CEP112: variants seen among roughly 807,000 people sequenced by gnomAD.
CEP112 encodes centrosomal protein 112.
In CEP112, 127 loss-of-function variants were observed where a neutral mutation model predicts 153.0. That is an observed-to-expected ratio of 0.83 (90% CI 0.72 to 0.96). The LOEUF (loss-of-function observed/expected upper bound fraction) is 0.96, where lower values mean the gene tolerates loss of function less well. Ranked by LOEUF, CEP112 falls within the 40% of genes least tolerant of loss-of-function variation. The probability of loss-of-function intolerance (pLI) is 0.00; values close to 1 mark genes in which losing one functional copy is unlikely to be tolerated. For synonymous variants in CEP112, 358 were observed against 374.4 expected, an observed-to-expected ratio of 0.96 and a Z score of 0.51; for missense variants, 1,089 against 1,101.2, an observed-to-expected ratio of 0.99 and a Z score of 0.16.
In CEP112 at chr17:65,893,167, GA is replaced by G. The variant is rs144386230; in HGVS notation, c.2163+8984del. On this transcript the variant is annotated intron_variant, in intron 20 of 26. Coordinates refer to ENST00000535342, the MANE Select transcript of CEP112 (RefSeq NM_001199165.4). Reference sequence around the variant, plus strand: ...CAGAGCCACAGTTATCCAGTGAAACGACACACACACTCCTCGAGACTAGTGC... The same window carrying G: ...CAGAGCCACAGTTATCCAGTGAAACGCACACACACTCCTCGAGACTAGTGC... 8.7e-3 allele frequency among the ~76,000 whole-genome samples: 1,322 copies of G among 151,986 alleles called. 20 individuals are homozygous for G. The highest frequency in any genetic ancestry group is 0.03 in the African/African-American group (1,252 of 41,444).
intron 17 of CEP112, among the ~76,000 whole-genome samples, chr17:65,974,205 T>G (rs956773700): frequency 6.6e-6 from 1 of 152,028 alleles, no homozygotes; most frequent in Non-Finnish European, 1.5e-5. Context: ...ACCCCCCAAG[T>G]GGCTGGGACT....
At chr17:65,867,915 T>A (rs2146464591) in intron 20 of CEP112, among the ~76,000 whole-genome samples, 1 of 116,618 alleles carries the variant, frequency 8.6e-6, no homozygotes, top group African/African-American at 3.1e-5. Context: ...CACCCATGGC[T>A]ATTTTTTCAA....
intron 20 of CEP112, among the ~76,000 whole-genome samples, chr17:65,877,632 T>G (rs1466049135): frequency 2.0e-5 from 3 of 152,194 alleles, no homozygotes; most frequent in Non-Finnish European, 2.9e-5. Flanking sequence ...AAGCTCTTAA[T>G]AAGGTTCTTT....
intron 18 of CEP112, among the ~76,000 whole-genome samples, chr17:65,944,667 A>G (rs2061598207): frequency 6.6e-6 from 1 of 152,032 alleles, no homozygotes; most frequent in Admixed American, 6.6e-5. Flanking sequence ...ATGGCTCACT[A>G]TAACTTCAAA....
At chr17:65,857,123 A>C (rs1216992090) in intron 20 of CEP112, among the ~76,000 whole-genome samples, 1 of 152,158 alleles carries the variant, frequency 6.6e-6, no homozygotes, top group Non-Finnish European at 1.5e-5. Flanking sequence ...TGAGGGAGAG[A>C]ATACAGTCAT....
At chr17:65,970,093 T>C (rs1379253149) in intron 17 of CEP112, among the ~76,000 whole-genome samples, 3 of 152,242 alleles carry the variant, frequency 2.0e-5, no homozygotes, top group Non-Finnish European at 2.9e-5. Flanking sequence ...ACCTGCATAT[T>C]ACATGTATGC....
chr17:65,706,692 C>G (rs917904541), intron 23 of CEP112, among the ~76,000 whole-genome samples: 2 of 152,278 alleles, frequency 1.3e-5, no homozygotes, highest in Middle Eastern at 3.4e-3. Flanking sequence ...ACCTAGTTAT[C>G]CAAATCAGGA....
intron 4 of CEP112, among the ~76,000 whole-genome samples, chr17:66,164,368 G>A (rs1057413584): frequency 6.6e-6 from 1 of 150,926 alleles, no homozygotes; most frequent in African/African-American, 2.4e-5. Context: ...GCCCACCCTG[G>A]CCAACATAGC....
chr17:66,079,194 C>T (rs930884597), intron 8 of CEP112, among the ~76,000 whole-genome samples: 207 of 152,236 alleles, frequency 1.4e-3, no homozygotes, highest in African/African-American at 4.9e-3. Flanking sequence ...AATCCCAACA[C>T]TTTGGGAGGC....
At chr17:66,011,385 C>A (rs1276861222) in intron 16 of CEP112, among the ~76,000 whole-genome samples, 1 of 152,120 alleles carries the variant, frequency 6.6e-6, no homozygotes, top group Admixed American at 6.6e-5. Context: ...ACTCTTAACA[C>A]TGCCTTTGCT....
chr17:65,942,786 T>G (rs2061542857), intron 18 of CEP112, among the ~76,000 whole-genome samples: 1 of 152,190 alleles, frequency 6.6e-6, no homozygotes, highest in African/African-American at 2.4e-5. Context: ...TAGGAATGTA[T>G]ATTGGATGAG....
rs78425628 is a variant in CEP112 at position 66,187,738 on chromosome 17, T to C, written c.-9+4259A>G. Among the ~76,000 whole-genome samples, 1,171 of 152,324 alleles carry C rather than the reference T, an allele frequency of 7.7e-3. 14 individuals are homozygous for C. The highest frequency in any genetic ancestry group is 0.027 in the African/African-American group (1,102 of 41,566). On this transcript the variant is annotated intron_variant, in intron 1 of 26. Coordinates refer to ENST00000535342, the MANE Select transcript of CEP112 (RefSeq NM_001199165.4). The stretch of plus-strand genomic sequence containing the variant: ...CGTTTCATGCCATTCACCCTTAAAT[T>C]TTATTTCAAACTCCAGCCTCTCTTT...
At chr17:65,764,910 ATT>A in intron 21 of CEP112, among the ~76,000 whole-genome samples, 1 of 137,038 alleles carries the variant, frequency 7.3e-6, no homozygotes, top group Admixed American at 7.5e-5. Context: ...TTTTTTCTTT[ATT>A]TTTTTGTGTA....
At position 66,109,469 on chromosome 17, in the gene CEP112, T is replaced by TA. The variant is rs891644592; in HGVS notation, c.643-12838dup. 3.4e-4 allele frequency among the ~76,000 whole-genome samples: 51 copies of TA among 148,292 alleles called. 1 individual carries two copies. Among genetic ancestry groups the TA allele is most frequent in the African/African-American group, 9.1e-4 (37 of 40,502 alleles). On this transcript the variant is annotated intron_variant, in intron 6 of 26. Coordinates refer to ENST00000535342, the MANE Select transcript of CEP112 (RefSeq NM_001199165.4). ...TACCCTAAAACTTAAAGTATAATAA[T>TA]AAAAAAAAAATCAACTGCATTTCTG...
At chr17:65,926,045 A>C (rs1365417291) in intron 19 of CEP112, among the ~76,000 whole-genome samples, 1 of 152,198 alleles carries the variant, frequency 6.6e-6, no homozygotes, top group Non-Finnish European at 1.5e-5. Context: ...AAGAAAATAA[A>C]ACTTTGTATT....
In CEP112 at chr17:66,001,920, A is replaced by G. The variant is rs377430117; in HGVS notation, c.1736+3770T>C. Among the ~76,000 whole-genome samples, 220 of 152,330 alleles carry G rather than the reference A, an allele frequency of 1.4e-3. 4 individuals carry two copies. The South Asian group carries it at 0.03, about 21-fold the overall frequency. On this transcript the variant is annotated intron_variant, in intron 17 of 26. Coordinates refer to ENST00000535342, the MANE Select transcript of CEP112 (RefSeq NM_001199165.4). Reference sequence around the variant, plus strand: ...ACTCACACCATTAAAGTTTCAGATAACTTTCCATTTCTGGAGGCTATTAAA... The same window carrying G: ...ACTCACACCATTAAAGTTTCAGATAGCTTTCCATTTCTGGAGGCTATTAAA...
chr17:65,663,514 A>G lies in CEP112; in HGVS notation c.2698-22449T>C, dbSNP rs893455445. Among the ~76,000 whole-genome samples, 5 of 152,142 alleles carry G rather than the reference A, an allele frequency of 3.3e-5. 1 individual carries two copies. The East Asian group carries it at 9.6e-4, about 29-fold the overall frequency. ...GGCCAGTAGAAGGTAGGAGCTCCCT[A>G]TATTTCTTAAACTATTCTGAGCCAA... On this transcript the variant is annotated intron_variant, in intron 24 of 26. Transcript: ENST00000535342.
chr17:66,033,043 T>C (rs1223736116), intron 12 of CEP112, among the ~76,000 whole-genome samples: 2 of 112,268 alleles, frequency 1.8e-5, no homozygotes, highest in East Asian at 2.0e-4. Flanking sequence ...AGAAAGATTA[T>C]GCTGAATGAA....
chr17:65,646,100 G>A (rs2045416183), intron 24 of CEP112, among the ~76,000 whole-genome samples: 2 of 152,210 alleles, frequency 1.3e-5, no homozygotes. Flanking sequence ...CTATTCACAT[G>A]TGATGGTTTC....
Sources: gnomAD v4.1 joint callset for allele counts (sites outside exome capture counted in the v4.1 genomes callset) on GRCh38, gnomAD v4.1.1 for gene constraint, MANE v1.5 for transcripts, NCBI Gene and HGNC (gene_info 2026-07-23, HGNC 2026-07-21) for gene names.